CCDC73: variants seen among roughly 807,000 people sequenced by gnomAD.
The protein encoded by CCDC73 is coiled-coil domain containing 73, also known as coiled-coil domain-containing protein 73.
Under a neutral mutation model 116.5 loss-of-function variants are expected in CCDC73, and 95 were observed. That is an observed-to-expected ratio of 0.82 (90% CI 0.69 to 0.97). The LOEUF is 0.97. Among genes scored for constraint, CCDC73 ranks in the 50% least tolerant of loss-of-function variants. The pLI is 0.00. For missense variants in CCDC73, 1,066 were observed against 1,206.8 expected (o/e 0.88, Z 1.73); for synonymous variants, 398 against 401.3 (o/e 0.99, Z 0.10).
At chr11:32,637,664 C>A (rs937831452) in intron 13 of CCDC73, among the ~76,000 whole-genome samples, 5 of 151,406 alleles carry the variant, frequency 3.3e-5, no homozygotes, top group Admixed American at 6.6e-5. Context: ...ACACACACAC[C>A]CCACTCACAA....
At chr11:32,797,752 T>C (rs1850736625), upstream of CCDC73, among the ~76,000 whole-genome samples, 1 of 152,126 alleles carries the variant, frequency 6.6e-6, no homozygotes, top group African/African-American at 2.4e-5. Flanking sequence ...TAAGAGCAAA[T>C]GGCTTGGTGC....
intron 14 of CCDC73, among the ~76,000 whole-genome samples, chr11:32,630,543 A>G (rs1855622668): frequency 6.6e-6 from 1 of 152,094 alleles, no homozygotes; most frequent in Admixed American, 6.6e-5. Context: ...GGGTTTCACC[A>G]TGTTGGTCAG....
Position 32,755,883 on chromosome 11 carries a change from GTATATATCTCCATATATATCTA to G in CCDC73, c.135+4204_135+4225del, listed in dbSNP as rs1565094378. 1.5e-3 allele frequency among the ~76,000 whole-genome samples: 84 copies of G among 57,636 alleles called. 7 individuals are homozygous for G. The highest frequency in any genetic ancestry group is 4.3e-3 in the East Asian group (7 of 1,634). The allele number at this position is 57,636 out of a possible 152,430, so 37.8% of individuals were successfully genotyped here. ...TATATATCTCCATATATATATCTGT[GTATATATCTCCATATATATCTA>G]TATATATCTCCATATATATATCTAT... On this transcript the variant is annotated intron_variant, in intron 2 of 17. Transcript: ENST00000335185.
At chr11:32,818,219 G>A in the CCDC73 span, among the ~76,000 whole-genome samples, 1 of 152,216 alleles carries the variant, frequency 6.6e-6, no homozygotes, top group Non-Finnish European at 1.5e-5. Flanking sequence ...CTTGTGTGCT[G>A]TCCTCTGCCC....
chr11:32,772,177 C>A (rs1404659775), intron 1 of CCDC73, among the ~76,000 whole-genome samples: 1 of 152,126 alleles, frequency 6.6e-6, no homozygotes. Flanking sequence ...GCCACAGATT[C>A]AATATTTTTA....
At chr11:32,686,240 T>C (rs1029496187) in intron 6 of CCDC73, among the ~76,000 whole-genome samples, 2 of 131,694 alleles carry the variant, frequency 1.5e-5, no homozygotes, top group African/African-American at 5.6e-5. Context: ...AACCAGTAAC[T>C]GGAAAAAGAG....
rs1185735873 is a variant in CCDC73, at chr11:32,755,574, TCC to T, written c.135+4533_135+4534del. On this transcript the variant is annotated intron_variant, in intron 2 of 17. Coordinates refer to ENST00000335185, the MANE Select transcript of CCDC73 (RefSeq NM_001008391.4). ...ATATATATATATATGTACATATATA[TCC>T]ATATATATGTGTGTATATATATATC... Among the ~76,000 whole-genome samples the T allele has an allele frequency of 1.5e-3, 157 of 101,370 alleles. 4 individuals carry two copies. The highest frequency in any genetic ancestry group is 4.1e-3 in the East Asian group (7 of 1,718). The allele number at this position is 101,370 out of a possible 152,430, so 66.5% of individuals were successfully genotyped here.
In CCDC73 at chr11:32,702,878, T is replaced by C; in HGVS notation, c.274A>G (p.Lys92Glu). The change falls in exon 4 of 18, where the codon AAG (lysine) becomes GAG (glutamate). Residue 92 changes from lysine (K) to glutamate (E), a missense_variant. Physicochemically the swap from Lys to Glu is moderately conservative, Grantham distance 56 (BLOSUM62 1). Coordinates refer to ENST00000335185, the MANE Select transcript of CCDC73 (RefSeq NM_001008391.4). ...QHKEAMAVFK[K>E]QLQMKMCALE... ...GTCTATCCTTATGAAATTACCTGCT[T>C]TTTAAAAACTGCCATTGCTTCCTTG... The C allele has an allele frequency of 6.2e-7, 1 of 1,606,620 alleles. No homozygotes were observed. Among genetic ancestry groups the C allele is most frequent in the Non-Finnish European group, 8.5e-7 (1 of 1,173,136 alleles).
chr11:32,798,924 G>T (rs1476346414), upstream of CCDC73, among the ~76,000 whole-genome samples: 1 of 149,904 alleles, frequency 6.7e-6, no homozygotes, highest in Non-Finnish European at 1.5e-5. Context: ...TTGGGGGGGG[G>T]CGTTGAGACA....
chr11:32,742,704 C>G lies in CCDC73; in HGVS notation c.135+17405G>C, dbSNP rs200152544. ...GTTGGCTTTTGTTGCCATTGCTTTTCGTGTTTTAGACATAAAGTCTTTGCC... is the reference window on the plus strand; with the variant it reads ...GTTGGCTTTTGTTGCCATTGCTTTTGGTGTTTTAGACATAAAGTCTTTGCC... On this transcript the variant is annotated intron_variant, in intron 2 of 17. Transcript: ENST00000335185. 1.2e-4 allele frequency among the ~76,000 whole-genome samples: 18 copies of G among 152,074 alleles called. No individual in the cohort carries two copies. In the East Asian group the frequency reaches 3.5e-3, roughly 29 times the overall value.
chr11:32,717,333 A>G (rs1015645995), intron 3 of CCDC73, among the ~76,000 whole-genome samples: 13 of 152,238 alleles, frequency 8.5e-5, no homozygotes, highest in Admixed American at 4.6e-4. Flanking sequence ...AAGAGCTGCT[A>G]CTATTTTTTA....
At chr11:32,611,408 T>C (rs555248323) in intron 16 of CCDC73, 143 bp from the exon 17 acceptor site, 1 of 694,592 alleles carries the variant, frequency 1.4e-6, no homozygotes, top group East Asian at 2.7e-5. Context: ...GCAGTTGTCC[T>C]AGACTTTGCT....
At chr11:32,759,739 A>G (rs1270227602) in intron 2 of CCDC73, among the ~76,000 whole-genome samples, 1 of 152,140 alleles carries the variant, frequency 6.6e-6, no homozygotes, top group Non-Finnish European at 1.5e-5. Flanking sequence ...TTATTTAATC[A>G]TTTCATAGGC....
chr11:32,607,832 C>T (rs1005529755), intron 17 of CCDC73, among the ~76,000 whole-genome samples: 3 of 152,068 alleles, frequency 2.0e-5, no homozygotes, highest in South Asian at 2.1e-4. Flanking sequence ...ATAGGTTTAA[C>T]GGACTTACAG....
chr11:32,653,694 A>G (rs935234305), intron 11 of CCDC73, among the ~76,000 whole-genome samples: 3 of 152,194 alleles, frequency 2.0e-5, no homozygotes, highest in Non-Finnish European at 4.4e-5. Flanking sequence ...TAAGCATCAA[A>G]TAGACTCAAA....
intron 1 of CCDC73, among the ~76,000 whole-genome samples, chr11:32,776,997 A>ACACATG (rs1280867949): frequency 6.7e-5 from 5 of 74,414 alleles, no homozygotes; most frequent in African/African-American, 2.4e-4. Flanking sequence ...ATGTATATAT[A>ACACATG]TATATATATA....
chr11:32,706,012 GA>G (rs3078271), intron 3 of CCDC73, among the ~76,000 whole-genome samples: 58 of 135,414 alleles, frequency 4.3e-4, no homozygotes, highest in African/African-American at 4.7e-4. Flanking sequence ...TATATCAGCT[GA>G]AAAAAAAAAA....
At chr11:32,726,419 A>G (rs1245279928) in intron 2 of CCDC73, among the ~76,000 whole-genome samples, 1 of 152,182 alleles carries the variant, frequency 6.6e-6, no homozygotes, top group Non-Finnish European at 1.5e-5. Context: ...TAAGAACTCA[A>G]TAGATTGAGT....
rs1855957547 is a variant in CCDC73 at position 32,664,164 on chromosome 11, G to T, written c.646-9192C>A. On this transcript the variant is annotated intron_variant, in intron 9 of 17. Transcript: ENST00000335185. ...CTCTTTTTTTATTGTGTCTCTGCCA[G>T]GCTTTGGTATCAGGATGATGCTGGC... Among the ~76,000 whole-genome samples, 4 of 152,294 alleles carry T rather than the reference G, an allele frequency of 2.6e-5. No individual in the cohort carries two copies. The South Asian group carries it at 8.3e-4, about 32-fold the overall frequency.
Sources: allele counts gnomAD v4.1 joint callset (sites outside exome capture counted in the v4.1 genomes callset), GRCh38; gene constraint gnomAD v4.1.1; transcripts MANE v1.5; gene names NCBI Gene and HGNC (gene_info 2026-07-23, HGNC 2026-07-21).